The following MMP21 variants were observed in gnomAD, a reference collection of about 807,000 sequenced individuals.
The protein encoded by MMP21 is matrix metalloproteinase-21.
MMP21 carries 40 observed loss-of-function variants against 47.8 expected under a neutral mutation model. That is an observed-to-expected ratio of 0.84 (90% CI 0.65 to 1.09). MMP21 has a LOEUF of 1.09. MMP21 is among the 50% of genes least tolerant of loss of function. The pLI is 0.00. For synonymous variants in MMP21, 341 were observed against 318.0 expected (o/e 1.07, Z -0.77); for missense variants, 747 against 775.3 (o/e 0.96, Z 0.43).
At position 125,772,779 on chromosome 10, in the gene MMP21, G is replaced by C. The variant is rs201064458; in HGVS notation, c.698-29C>G. On this transcript the variant is annotated intron_variant, in intron 2 of 6. Coordinates refer to ENST00000368808, the MANE Select transcript of MMP21 (RefSeq NM_147191.1). The surrounding 1 kb of genome is among the most constrained non-coding windows in gnomAD (Gnocchi z 5.6). ...GCGAGGGGGAGGAGGAGTTGGTCCC[G>C]GTGAAGGATGAGTGCCCCCCATACA... The C allele has an allele frequency of 3.1e-6, 5 of 1,607,014 alleles. No homozygotes were observed. The highest frequency in any genetic ancestry group is 4.2e-6 in the Non-Finnish European group (5 of 1,177,064).
rs1850477302 is a variant in MMP21 at position 125,773,581 on chromosome 10, C to A, written c.697+250G>T. Among the ~76,000 whole-genome samples, 1 of 151,886 alleles carries A rather than the reference C, an allele frequency of 6.6e-6. No individual in the cohort carries two copies. Among genetic ancestry groups the A allele is most frequent in the African/African-American group, 2.4e-5 (1 of 41,354 alleles). On this transcript the variant is annotated intron_variant, in intron 2 of 6. Coordinates refer to ENST00000368808, the MANE Select transcript of MMP21 (RefSeq NM_147191.1). This position sits in a 1 kb window ranked among gnomAD's most constrained non-coding sequence, Gnocchi z 4.8. The stretch of plus-strand genomic sequence containing the variant: ...GCCCGAGTGGGACTTTGAGGAGCAG[C>A]CCGGGCAGCAGCCTGTGCCCAGGGC...
intron 1 of MMP21, among the ~76,000 whole-genome samples, chr10:125,774,785 AGGGCAGGTCGTGCG>A (rs1850497725): frequency 6.6e-6 from 1 of 152,084 alleles, no homozygotes; most frequent in Non-Finnish European, 1.5e-5. Context: ...CAGGTCGCGC[AGGGCAGGTCGTGCG>A]GGGCAGGTGG....
In MMP21 at chr10:125,770,590, G is replaced by A. The variant is rs779136644; in HGVS notation, c.981C>T (p.Gly327=). 3 of 1,611,582 alleles carry A rather than the reference G, an allele frequency of 1.9e-6. No homozygotes were observed. Among genetic ancestry groups the A allele is most frequent in the Non-Finnish European group, 2.5e-6 (3 of 1,178,632 alleles). ...SDRKAIQKLY[G]SCEGSFDTAF... is the part of the protein sequence containing the mutation. ...CAGTATCAAATGATCCCTCACAGGA[G>A]CCTTAAAAAAACAAACAAAAAACAG... The change falls in exon 5 of 7, where the codon GGC becomes GGT. Residue 327 remains glycine, a splice_region_variant and synonymous_variant. Transcript: ENST00000368808.
In MMP21 at chr10:125,772,810, C is replaced by G. The variant is rs542268808; in HGVS notation, c.698-60G>C. ...GGATGAGTGCCCCCCATACAGACTC[C>G]TCACCTAGGGGGTCCCCAGCCTCCA... On this transcript the variant is annotated intron_variant, in intron 2 of 6. Transcript: ENST00000368808. The surrounding 1 kb of genome is among the most constrained non-coding windows in gnomAD (Gnocchi z 5.6). 1.3e-6 allele frequency: 2 copies of G among 1,584,002 alleles called. No homozygotes were observed. The highest frequency in any genetic ancestry group is 2.7e-5 in the African/African-American group (2 of 74,480).
In MMP21 at chr10:125,772,473, G is replaced by A. The variant is rs962710046; in HGVS notation, c.838-114C>T. 2.3e-5 allele frequency: 36 copies of A among 1,557,598 alleles called. No individual in the cohort carries two copies. The highest frequency in any genetic ancestry group is 8.1e-5 in the South Asian group (7 of 85,956). ...CGTTGCTTGTGAAGAGGGGAGCACC[G>A]GTGGAACTGGGGAGCCATTCCACGG... On this transcript the variant is annotated intron_variant, in intron 3 of 6. Coordinates refer to ENST00000368808, the MANE Select transcript of MMP21 (RefSeq NM_147191.1). This position sits in a 1 kb window ranked among gnomAD's most constrained non-coding sequence, Gnocchi z 5.6.
In MMP21 at chr10:125,774,207, G is replaced by A; in HGVS notation, c.321C>T (p.Ala107=). The A allele has an allele frequency of 7.3e-7, 1 of 1,364,790 alleles. No individual in the cohort carries two copies. The allele number at this position is 1,364,790 out of a possible 1,614,324, so 84.5% of individuals were successfully genotyped here. A position where few individuals can be genotyped will look rare whatever the true frequency, so the allele number is the denominator to read the frequency against. Residue 107 remains alanine, a synonymous_variant, in exon 2 of 7, where the codon GCC becomes GCT. Coordinates refer to ENST00000368808, the MANE Select transcript of MMP21 (RefSeq NM_147191.1). The stretch of plus-strand genomic sequence containing the variant: ...GCGGCCGGTTCATGGCCGCTAGGGT[G>A]GCCGCGTCCAGCTCCCCGCTGGCCG... The part of the protein sequence containing the change: ...ALPASGELDA[A]TLAAMNRPRC...
chr10:125,767,139 G>GT (rs149560680), intron 6 of MMP21, among the ~76,000 whole-genome samples, 178 bp from the exon 7 acceptor site: 4,223 of 146,478 alleles, frequency 0.029, 192 homozygotes, highest in African/African-American at 0.096. Context: ...CACGTTTTTT[G>GT]TTTTTTTTTT....
intron 5 of MMP21, among the ~76,000 whole-genome samples, chr10:125,768,846 A>G (rs1377845170): frequency 1.3e-5 from 2 of 152,210 alleles, no homozygotes; most frequent in Non-Finnish European, 2.9e-5. Context: ...ACTCTGAAAG[A>G]CCTGAACTAT....
chr10:125,772,489 C>T lies in MMP21; in HGVS notation c.837+122G>A. ...GGGAGCACCGGTGGAACTGGGGAGC[C>T]ATTCCACGGATTCACCTCCTCAGAG... On this transcript the variant is annotated intron_variant, in intron 3 of 6. Transcript: ENST00000368808. This position sits in a 1 kb window ranked among gnomAD's most constrained non-coding sequence, Gnocchi z 5.6. 2 of 1,561,488 alleles carry T rather than the reference C, an allele frequency of 1.3e-6. No individual in the cohort carries two copies. Among genetic ancestry groups the T allele is most frequent in the South Asian group, 2.3e-5 (2 of 86,596 alleles).
chr10:125,767,560 TTC>T lies in MMP21; in HGVS notation c.1380_1381del (p.Lys461ValfsTer14), dbSNP rs777088158. 36 of 1,614,084 alleles carry T rather than the reference TTC, an allele frequency of 2.2e-5. No individual in the cohort carries two copies. Among genetic ancestry groups the T allele is most frequent in the Non-Finnish European group, 3.1e-5 (36 of 1,180,052 alleles). On this transcript the variant is annotated frameshift_variant, in exon 6 of 7. Transcript: ENST00000368808. LOFTEE classifies it low-confidence loss of function (END_TRUNC). Reference sequence around the variant, plus strand: ...GGACTCCTTGAAGAAGTAAATTAACTTCTGTCTTCGGTCATAAAACGCCGTGT... The same window carrying T: ...GGACTCCTTGAAGAAGTAAATTAACTTGTCTTCGGTCATAAAACGCCGTGT...
Position 125,766,666 on chromosome 10 carries a change from A to C in MMP21, c.1706T>G (p.Met569Arg). ...TCCATTTCCTACTTTTTCTTATTAC[A>C]TGTTCAGTGTGGAGATATGGACGTC... ...VCDVHISTLNM is the reference protein window; with the variant it reads ...VCDVHISTLNR Residue 569 changes from methionine to arginine, a missense_variant, in exon 7 of 7, where the codon ATG (methionine) becomes AGG (arginine). Physicochemically the swap from Met to Arg is moderately conservative, Grantham distance 91. Coordinates refer to ENST00000368808, the MANE Select transcript of MMP21 (RefSeq NM_147191.1). The C allele has an allele frequency of 6.3e-7, 1 of 1,593,496 alleles. No homozygotes were observed. The highest frequency in any genetic ancestry group is 1.7e-4 in the Middle Eastern group (1 of 5,936).
chr10:125,772,413 T>G lies in MMP21; in HGVS notation c.838-54A>C, dbSNP rs28381294. On this transcript the variant is annotated intron_variant, in intron 3 of 6. Transcript: ENST00000368808. The surrounding 1 kb of genome is among the most constrained non-coding windows in gnomAD (Gnocchi z 5.6). ...GGGTGAAGCCTGGGCGATGGATCCC[T>G]GCATAACAGACGCAGGCCTGTGCTT... 3 of 1,608,622 alleles carry G rather than the reference T, an allele frequency of 1.9e-6. No homozygotes were observed. The highest frequency in any genetic ancestry group is 2.5e-6 in the Non-Finnish European group (3 of 1,176,768).
Position 125,772,148 on chromosome 10 carries a change from C to T in MMP21, c.979+70G>A, listed in dbSNP as rs542233695. 9 of 1,565,832 alleles carry T rather than the reference C, an allele frequency of 5.7e-6. No homozygotes were observed. In the South Asian group the frequency reaches 5.8e-5, roughly 10 times the overall value. Reference sequence around the variant, plus strand: ...GCCCAGTTTCCCAGTGAGGAGTGAGCGGGGTCCTACAGTGCTCTGGAATAC... The same window carrying T: ...GCCCAGTTTCCCAGTGAGGAGTGAGTGGGGTCCTACAGTGCTCTGGAATAC... On this transcript the variant is annotated intron_variant, in intron 4 of 6. Coordinates refer to ENST00000368808, the MANE Select transcript of MMP21 (RefSeq NM_147191.1). This position sits in a 1 kb window ranked among gnomAD's most constrained non-coding sequence, Gnocchi z 5.6.
At position 125,775,522 on chromosome 10, in the gene MMP21, C is replaced by G. The variant is rs1043926532; in HGVS notation, c.162+138G>C. The G allele has an allele frequency of 8.7e-6, 10 of 1,143,052 alleles. No individual in the cohort carries two copies. In the African/African-American group the frequency reaches 1.4e-4, roughly 17 times the overall value. The allele number at this position is 1,143,052 out of a possible 1,614,324, so 70.8% of individuals were successfully genotyped here. ...TAGGAGCCACAGGAGCCACTCCTCC[C>G]TCTCAGCCCAGCCTGCCTGGCCCTT... is the stretch of plus-strand genomic sequence containing the variant. On this transcript the variant is annotated intron_variant, in intron 1 of 6. Coordinates refer to ENST00000368808, the MANE Select transcript of MMP21 (RefSeq NM_147191.1).
At position 125,773,017 on chromosome 10, in the gene MMP21, G is replaced by A. The variant is rs749439374; in HGVS notation, c.698-267C>T. On this transcript the variant is annotated intron_variant, in intron 2 of 6. Coordinates refer to ENST00000368808, the MANE Select transcript of MMP21 (RefSeq NM_147191.1). This position sits in a 1 kb window ranked among gnomAD's most constrained non-coding sequence, Gnocchi z 4.8. The stretch of plus-strand genomic sequence containing the variant: ...TGGGTGAGAGCCCGGCTGGGGGCCT[G>A]GGAAGATGGCAAAAAGGCCTCACCC... 6.6e-6 allele frequency among the ~76,000 whole-genome samples: 1 copy of A among 152,230 alleles called. No homozygotes were observed. The highest frequency in any genetic ancestry group is 1.5e-5 in the Non-Finnish European group (1 of 68,026).
Position 125,775,750 on chromosome 10 carries a change from G to A in MMP21, c.72C>T (p.Pro24=), listed in dbSNP as rs922019040. Reference sequence around the variant, plus strand: ...GGTCCCGGCTGTGGAAGAGACTCTCGGGCTGGGTGGGCCAGGGAGCAGCCA... The same window carrying A: ...GGTCCCGGCTGTGGAAGAGACTCTCAGGCTGGGTGGGCCAGGGAGCAGCCA... ...CWLAAPWPTQ[P]ESLFHSRDRS... is the part of the protein sequence containing the mutation. The change falls in exon 1 of 7, where the codon CCC becomes CCT. Residue 24 remains proline (P), a synonymous_variant. Transcript: ENST00000368808. The A allele has an allele frequency of 4.3e-6, 7 of 1,613,584 alleles. No individual in the cohort carries two copies. Among genetic ancestry groups the A allele is most frequent in the Admixed American group, 1.7e-5 (1 of 59,958 alleles).
chr10:125,773,636 G>A lies in MMP21; in HGVS notation c.697+195C>T, dbSNP rs1423736084. On this transcript the variant is annotated intron_variant, in intron 2 of 6. Coordinates refer to ENST00000368808, the MANE Select transcript of MMP21 (RefSeq NM_147191.1). The surrounding 1 kb of genome is among the most constrained non-coding windows in gnomAD (Gnocchi z 4.8). ...CCTAGTGTCCCAGTAGGCCACACCA[G>A]GCTATCTGCAGGGTGACCATGATTC... 1.3e-5 allele frequency among the ~76,000 whole-genome samples: 2 copies of A among 152,012 alleles called. No homozygotes were observed. Among genetic ancestry groups the A allele is most frequent in the African/African-American group, 4.8e-5 (2 of 41,406 alleles).
At chr10:125,770,978 T>C (rs578133360) in intron 4 of MMP21, among the ~76,000 whole-genome samples, 50 of 151,898 alleles carry the variant, frequency 3.3e-4, no homozygotes, top group Non-Finnish European at 6.9e-4. Context: ...TGCAGTGAGC[T>C]GAGATCAGTC....
In MMP21 at chr10:125,766,721, A is replaced by G. The variant is rs41306540; in HGVS notation, c.1651T>C (p.Phe551Leu). 2.4e-4 allele frequency: 381 copies of G among 1,613,758 alleles called. 1 individual carries two copies. The highest frequency in any genetic ancestry group is 3.0e-4 in the Non-Finnish European group (358 of 1,179,946). ...ACATCAAACCACTTCTCTGAAATAA[A>G]CTTTTTTGGAAATAAGCCATTAGCA... Reference protein sequence around the residue: ...LPANGLFPKKFISEKWFDVCD... With the variant: ...LPANGLFPKKLISEKWFDVCD... The change falls in exon 7 of 7, where the codon TTT becomes CTT. Residue 551 changes from phenylalanine (F) to leucine (L), a missense_variant. By Grantham distance (22) the Phe-to-Leu change is conservative (BLOSUM62 0). Transcript: ENST00000368808.
Sources: gnomAD v4.1 joint callset for allele counts (sites outside exome capture counted in the v4.1 genomes callset) on GRCh38, gnomAD v4.1.1 for gene constraint, Gnocchi (gnomAD v3.1) non-coding constraint, MANE v1.5 for transcripts, NCBI Gene and HGNC (gene_info 2026-07-23, HGNC 2026-07-21) for gene names.